The following B3GALT1 variants were observed in gnomAD, a reference collection of about 807,000 sequenced individuals.
B3GALT1 encodes the protein beta-1,3-galactosyltransferase 1, also known as UDP-Gal:betaGlcNAc beta 1,3-galactosyltransferase, polypeptide 1.
A neutral mutation model predicts 23.2 loss-of-function variants in B3GALT1; 10 were observed. That is an observed-to-expected ratio of 0.43 (90% confidence interval 0.27 to 0.73). B3GALT1 has a LOEUF of 0.73. Ranked by LOEUF, B3GALT1 falls within the 30% of genes least tolerant of loss-of-function variation. The probability of loss-of-function intolerance (pLI) is 0.21; values close to 1 mark genes in which losing one functional copy is unlikely to be tolerated. For synonymous variants in B3GALT1, 156 were observed against 141.5 expected (o/e 1.10, Z -0.73); for missense variants, 299 against 405.4 (o/e 0.74, Z 2.25).
At chr2:167,597,117 G>GTTTTTTTTTTTTT (rs1309406987) in intron 2 of B3GALT1, among the ~76,000 whole-genome samples, 11 of 131,440 alleles carry the variant, frequency 8.4e-5, no homozygotes, top group Non-Finnish European at 1.3e-4. Flanking sequence ...TTTTGTTTTT[G>GTTTTTTTTTTTTT]TTTTTTTTTT....
At chr2:167,347,814 A>G (rs1386171153) in intron 1 of B3GALT1, among the ~76,000 whole-genome samples, 5 of 152,318 alleles carry the variant, frequency 3.3e-5, no homozygotes, top group Non-Finnish European at 7.4e-5. Flanking sequence ...TAGAAAAAGG[A>G]AACAAAACAA....
chr2:167,299,816 C>G (rs1696417100), intron 1 of B3GALT1, among the ~76,000 whole-genome samples: 1 of 151,352 alleles, frequency 6.6e-6, no homozygotes, highest in Non-Finnish European at 1.5e-5. Flanking sequence ...CTCTCTCTCT[C>G]TCCATATATA....
chr2:167,485,388 G>A (rs146043516), intron 1 of B3GALT1, among the ~76,000 whole-genome samples: 3 of 152,204 alleles, frequency 2.0e-5, no homozygotes, highest in Non-Finnish European at 2.9e-5. Flanking sequence ...AATCAGGATA[G>A]TATCTTAATT....
chr2:167,868,995 G>A lies in B3GALT1; in HGVS notation c.-45G>A. The A allele has an allele frequency of 6.5e-7, 1 of 1,530,128 alleles. No individual in the cohort carries two copies. The highest frequency in any genetic ancestry group is 8.8e-7 in the Non-Finnish European group (1 of 1,140,804). The allele number at this position is 1,530,128 out of a possible 1,614,324, so 94.8% of individuals were successfully genotyped here. On this transcript the variant is annotated 5_prime_UTR_variant, in exon 5 of 5. Coordinates refer to ENST00000392690, the MANE Select transcript of B3GALT1 (RefSeq NM_020981.4). ...GAAGATGAAAACAAACTAGTGCCAA[G>A]GAGGCGTATTCTTCAATATTTGGAA...
chr2:167,676,563 G>A (rs1038845631), intron 3 of B3GALT1, among the ~76,000 whole-genome samples: 24 of 144,684 alleles, frequency 1.7e-4, no homozygotes, highest in Non-Finnish European at 3.4e-4. Context: ...ACATATATAT[G>A]TGTATGCATT....
At chr2:167,767,604 A>G (rs950001987) in intron 3 of B3GALT1, among the ~76,000 whole-genome samples, 1 of 152,194 alleles carries the variant, frequency 6.6e-6, no homozygotes, top group Non-Finnish European at 1.5e-5. Flanking sequence ...ATAGTTTTTC[A>G]TAATACACAT....
intron 4 of B3GALT1, among the ~76,000 whole-genome samples, chr2:167,862,523 G>A (rs936136448): frequency 6.6e-6 from 1 of 152,120 alleles, no homozygotes; most frequent in Admixed American, 6.6e-5. Context: ...GCTAATCTTT[G>A]CCAGAAACAC....
At chr2:167,417,464 T>G (rs931933002) in intron 1 of B3GALT1, among the ~76,000 whole-genome samples, 1 of 152,160 alleles carries the variant, frequency 6.6e-6, no homozygotes, top group Non-Finnish European at 1.5e-5. Flanking sequence ...AAATAATTTT[T>G]TGTTTGTTTT....
chr2:167,576,829 C>A (rs1684397314), intron 2 of B3GALT1, among the ~76,000 whole-genome samples: 1 of 151,686 alleles, frequency 6.6e-6, no homozygotes, highest in Non-Finnish European at 1.5e-5. Flanking sequence ...ATTAATGCGA[C>A]TCTCACCACA....
Position 167,513,814 on chromosome 2 carries a change from G to C in B3GALT1, c.-410+23537G>C, listed in dbSNP as rs116801127. On this transcript the variant is annotated intron_variant, in intron 2 of 4. Transcript: ENST00000392690. ...AAAAAAGAATTGCTGGTTTACAGAT[G>C]TACACTCTTCAGTTTTATTTTTACT... Among the ~76,000 whole-genome samples, 592 of 152,162 alleles carry C rather than the reference G, an allele frequency of 3.9e-3. 4 individuals carry two copies. Among genetic ancestry groups the C allele is most frequent in the African/African-American group, 0.014 (567 of 41,536 alleles).
chr2:167,820,784 A>AGAT (rs1574280737), intron 4 of B3GALT1, among the ~76,000 whole-genome samples: 1 of 152,264 alleles, frequency 6.6e-6, no homozygotes, highest in East Asian at 1.9e-4. Context: ...TAAAATTGAA[A>AGAT]GATAGCCATT....
intron 3 of B3GALT1, among the ~76,000 whole-genome samples, chr2:167,721,962 A>G (rs1027414694): frequency 6.6e-6 from 1 of 152,212 alleles, no homozygotes; most frequent in Non-Finnish European, 1.5e-5. Flanking sequence ...CTAATGATAA[A>G]TATTCTGTAA....
chr2:167,854,246 G>C (rs571372071), intron 4 of B3GALT1, among the ~76,000 whole-genome samples: 1 of 152,258 alleles, frequency 6.6e-6, no homozygotes, highest in East Asian at 1.9e-4. Context: ...AGACAATGGT[G>C]TGTGGCTAAG....
intron 2 of B3GALT1, among the ~76,000 whole-genome samples, chr2:167,509,090 A>G (rs1246009141): frequency 6.6e-6 from 1 of 152,238 alleles, no homozygotes; most frequent in Non-Finnish European, 1.5e-5. Flanking sequence ...TGAGAAGAGC[A>G]GTCCCTTTGG....
intron 4 of B3GALT1, among the ~76,000 whole-genome samples, chr2:167,836,991 A>G (rs1574291601): frequency 6.6e-6 from 1 of 152,202 alleles, no homozygotes; most frequent in Non-Finnish European, 1.5e-5. Flanking sequence ...AGATTTTGTC[A>G]CCACCAGGCC....
chr2:167,480,585 G>C (rs1231629988), intron 1 of B3GALT1, among the ~76,000 whole-genome samples: 1 of 132,330 alleles, frequency 7.6e-6, no homozygotes, highest in Non-Finnish European at 1.5e-5. Context: ...TTGAGAACTT[G>C]TGAGTGCTAA....
chr2:167,386,250 C>CT (rs971294557), intron 1 of B3GALT1, among the ~76,000 whole-genome samples: 6 of 151,534 alleles, frequency 4.0e-5, no homozygotes, highest in South Asian at 2.1e-4. Flanking sequence ...CTGAGCAGGC[C>CT]TTTTTTTTAA....
chr2:167,831,417 T>C (rs1689348414), intron 4 of B3GALT1, among the ~76,000 whole-genome samples: 1 of 152,206 alleles, frequency 6.6e-6, no homozygotes, highest in South Asian at 2.1e-4. Flanking sequence ...ACTGATTTGC[T>C]CTCAAAATTC....
At position 167,873,717 on chromosome 2, in the gene B3GALT1, GTATT is replaced by G. The variant is rs1378727747; in HGVS notation, c.*3703_*3706del. On this transcript the variant is annotated 3_prime_UTR_variant, in exon 5 of 5. Transcript: ENST00000392690. The stretch of plus-strand genomic sequence containing the variant: ...GTCATATATGAATGATTGTATTTAT[GTATT>G]TATTTGTCAAAATTGTACATACTGT... 20 of 152,276 alleles carry G rather than the reference GTATT, an allele frequency of 1.3e-4. No homozygotes were observed. The highest frequency in any genetic ancestry group is 5.8e-4 in the East Asian group (3 of 5,186). The allele number at this position is 152,276 out of a possible 1,614,324, so 9.4% of individuals were successfully genotyped here.
Sources: allele counts gnomAD v4.1 joint callset (sites outside exome capture counted in the v4.1 genomes callset), GRCh38; gene constraint gnomAD v4.1.1; transcripts MANE v1.5; gene names NCBI Gene and HGNC (gene_info 2026-07-23, HGNC 2026-07-21).